The following TRIM8 variants were observed in gnomAD, a reference collection of about 807,000 sequenced individuals.
TRIM8 encodes E3 ubiquitin-protein ligase TRIM8.
TRIM8 carries 9 observed loss-of-function variants against 55.7 expected under a neutral mutation model. That is an observed-to-expected ratio of 0.16 (90% CI 0.10 to 0.28). The LOEUF (loss-of-function observed/expected upper bound fraction) is 0.28, where lower values mean the gene tolerates loss of function less well. Among genes scored for constraint, TRIM8 ranks in the 10% least tolerant of loss-of-function variants. The pLI, the probability that TRIM8 is intolerant of heterozygous loss-of-function variation, is 1.00. For missense variants in TRIM8, 556 were observed against 736.4 expected, an observed-to-expected ratio of 0.76 and a Z score of 2.83; for synonymous variants, 335 against 333.3, an observed-to-expected ratio of 1.01 and a Z score of -0.06.
rs915084165 is a variant in TRIM8 at position 102,651,688 on chromosome 10, C to G, written c.571-2965C>G. ...GATCAGCCTGGACTCTGAAGAGCAC[C>G]TGGGGGGCCCTGTCCTCCTGAGGGT... On this transcript the variant is annotated intron_variant, in intron 1 of 5. Transcript: ENST00000643721. Among the ~76,000 whole-genome samples, 36 of 152,212 alleles carry G rather than the reference C, an allele frequency of 2.4e-4. 1 individual carries two copies. Among genetic ancestry groups the G allele is most frequent in the African/African-American group, 8.0e-4 (33 of 41,448 alleles).
chr10:102,654,901 G>A, intron 2 of TRIM8, 153 bp downstream of exon 2: 2 of 918,522 alleles, frequency 2.2e-6, no homozygotes, highest in South Asian at 1.4e-5. Context: ...CTGGTGCCAG[G>A]GGATGCTGGC....
In TRIM8 at chr10:102,644,808, G is replaced by T; in HGVS notation, c.191G>T (p.Gly64Val). ...AACCAGGCCTACAACCAGAAGCCGGGCCTGGAGAAGAACCTGAAGCTCACC... is the reference window on the plus strand; with the variant it reads ...AACCAGGCCTACAACCAGAAGCCGGTCCTGGAGAAGAACCTGAAGCTCACC... ...ECNQAYNQKP[G>V]LEKNLKLTNI... Residue 64 changes from glycine (G) to valine (V), a missense_variant, in exon 1 of 6, where the codon GGC becomes GTC. Physicochemically the swap from Gly to Val is moderately radical, Grantham distance 109. Coordinates refer to ENST00000643721, the MANE Select transcript of TRIM8 (RefSeq NM_030912.3). 1.2e-6 allele frequency: 2 copies of T among 1,613,238 alleles called. No homozygotes were observed. The highest frequency in any genetic ancestry group is 2.2e-5 in the South Asian group (2 of 91,040).
chr10:102,650,654 G>A (rs1211421277), intron 1 of TRIM8, among the ~76,000 whole-genome samples: 1 of 152,170 alleles, frequency 6.6e-6, no homozygotes, highest in Non-Finnish European at 1.5e-5. Flanking sequence ...CATGTGTAAG[G>A]TGCCTCCAGC....
At chr10:102,652,477 G>A (rs2063993084) in intron 1 of TRIM8, among the ~76,000 whole-genome samples, 1 of 152,180 alleles carries the variant, frequency 6.6e-6, no homozygotes, top group Admixed American at 6.5e-5. Context: ...GTTACACAGA[G>A]CTGCTTTGCA....
chr10:102,650,508 ACCTAGT>A (rs1422902821), intron 1 of TRIM8, among the ~76,000 whole-genome samples: 2 of 152,048 alleles, frequency 1.3e-5, no homozygotes, highest in Admixed American at 6.5e-5. Context: ...CCTGGGCCCC[ACCTAGT>A]CCCAGTCTCC....
intron 3 of TRIM8, among the ~76,000 whole-genome samples, 176 bp downstream of exon 3, chr10:102,655,489 T>G (rs2064016749): frequency 6.6e-6 from 1 of 152,208 alleles, no homozygotes; most frequent in South Asian, 2.1e-4. Flanking sequence ...CATAGGTACA[T>G]CCCGGGCCTT....
At position 102,656,185 on chromosome 10, in the gene TRIM8, A is replaced by AG. The variant is rs776817957; in HGVS notation, c.932+54dup. The AG allele has an allele frequency of 1.2e-6, 2 of 1,614,080 alleles. No individual in the cohort carries two copies. The highest frequency in any genetic ancestry group is 1.7e-6 in the Non-Finnish European group (2 of 1,179,974). ...CCCGGGGGCACATCCTGGGGAGGGCAGGGGGGCCAGGCCCATGGCGGGGAG... is the reference window on the plus strand; with the variant it reads ...CCCGGGGGCACATCCTGGGGAGGGCAGGGGGGGCCAGGCCCATGGCGGGGAG... On this transcript the variant is annotated intron_variant, in intron 4 of 5. Coordinates refer to ENST00000643721, the MANE Select transcript of TRIM8 (RefSeq NM_030912.3). The surrounding 1 kb of genome is among the most constrained non-coding windows in gnomAD (Gnocchi z 4.6).
At position 102,656,600 on chromosome 10, in the gene TRIM8, C is replaced by T; in HGVS notation, c.1049-147C>T. On this transcript the variant is annotated intron_variant, in intron 5 of 5. Transcript: ENST00000643721. The surrounding 1 kb of genome is among the most constrained non-coding windows in gnomAD (Gnocchi z 4.6). ...AAGTGGGGATATAACTATTCTGTAC[C>T]TCCTAATGGTAGAGGAGCAAGCATC... The T allele has an allele frequency of 7.3e-7, 1 of 1,363,150 alleles. No homozygotes were observed. Among genetic ancestry groups the T allele is most frequent in the Non-Finnish European group, 9.9e-7 (1 of 1,008,854 alleles). The allele number at this position is 1,363,150 out of a possible 1,614,324, so 84.4% of individuals were successfully genotyped here.
intron 1 of TRIM8, among the ~76,000 whole-genome samples, chr10:102,651,473 G>C (rs2063984366): frequency 6.6e-6 from 1 of 152,220 alleles, no homozygotes; most frequent in Non-Finnish European, 1.5e-5. Context: ...CTCAGTTCCT[G>C]TCCCCAAGGA....
rs773935102 is a variant in TRIM8, at chr10:102,657,018, G to A, written c.1320G>A (p.Val440=). The A allele has an allele frequency of 6.2e-7, 1 of 1,612,770 alleles. No homozygotes were observed. The highest frequency in any genetic ancestry group is 1.6e-4 in the Middle Eastern group (1 of 6,062). The stretch of plus-strand genomic sequence containing the variant: ...CCCAACCAGTGCACTCAAGCCCCGT[G>A]TTCCCCCCATCGCAGTATCCCAATG... ...GGAQPVHSSP[V]FPPSQYPNGS... Residue 440 remains valine, a synonymous_variant, in exon 6 of 6, where the codon GTG becomes GTA. Transcript: ENST00000643721.
chr10:102,646,340 G>C (rs1029065414), intron 1 of TRIM8, among the ~76,000 whole-genome samples: 3 of 152,186 alleles, frequency 2.0e-5, no homozygotes, highest in African/African-American at 7.2e-5. Flanking sequence ...CACTCTGGTG[G>C]GACTGGGAGT....
intron 1 of TRIM8, 69 bp downstream of exon 1, chr10:102,645,256 C>T (rs1408963243): frequency 7.1e-7 from 1 of 1,401,948 alleles, no homozygotes; most frequent in East Asian, 2.7e-5. Flanking sequence ...CTCTCCCGCC[C>T]CGGGACCACC....
chr10:102,654,445 A>T (rs949694983), intron 1 of TRIM8: 34 of 518,550 alleles, frequency 6.6e-5, no homozygotes, highest in Middle Eastern at 5.2e-4. Flanking sequence ...TAAAAAAATA[A>T]TAAGATAAAT....
chr10:102,657,512 C>A lies in TRIM8; in HGVS notation c.*158C>A. The stretch of plus-strand genomic sequence containing the variant: ...CTTTTGGATTTTGTTTTGGTTTTGG[C>A]TTTGTTTTTGATTTTTTTTTATTAT... On this transcript the variant is annotated 3_prime_UTR_variant, in exon 6 of 6. Transcript: ENST00000643721. The A allele has an allele frequency of 2.0e-6, 2 of 1,013,178 alleles. No homozygotes were observed. Among genetic ancestry groups the A allele is most frequent in the Non-Finnish European group, 2.7e-6 (2 of 727,448 alleles). 62.8% of individuals were successfully genotyped at this position (1,013,178 alleles called of 1,614,324 possible).
rs991446431 is a variant in TRIM8, at chr10:102,657,906, C to T, written c.*552C>T. 1.3e-5 allele frequency: 2 copies of T among 152,514 alleles called. No homozygotes were observed. The highest frequency in any genetic ancestry group is 4.8e-5 in the African/African-American group (2 of 41,376). The allele number at this position is 152,514 out of a possible 1,614,324, so 9.4% of individuals were successfully genotyped here. A position where few individuals can be genotyped will look rare whatever the true frequency, so the allele number is the denominator to read the frequency against. ...AGAATGATTTCTCCTGCTTCCTTCT[C>T]CTCACCATCTTCCCAGACGGAGTTC... On this transcript the variant is annotated 3_prime_UTR_variant, in exon 6 of 6. Coordinates refer to ENST00000643721, the MANE Select transcript of TRIM8 (RefSeq NM_030912.3).
At chr10:102,647,016 T>C (rs1027254252) in intron 1 of TRIM8, among the ~76,000 whole-genome samples, 1 of 152,166 alleles carries the variant, frequency 6.6e-6, no homozygotes, top group African/African-American at 2.4e-5. Context: ...GCTTTAGGTG[T>C]CTGTGTTTTT....
rs35666765 is a variant in TRIM8 at position 102,656,800 on chromosome 10, G to A, written c.1102G>A (p.Gly368Ser). The A allele has an allele frequency of 1.6e-5, 24 of 1,520,782 alleles. No homozygotes were observed. Among genetic ancestry groups the A allele is most frequent in the Admixed American group, 1.3e-4 (6 of 44,976 alleles). The allele number at this position is 1,520,782 out of a possible 1,614,324, so 94.2% of individuals were successfully genotyped here. Residue 368 changes from glycine (G) to serine (S), a missense_variant, in exon 6 of 6, where the codon GGC becomes AGC. Physicochemically the swap from Gly to Ser is moderately conservative, Grantham distance 56. Coordinates refer to ENST00000643721, the MANE Select transcript of TRIM8 (RefSeq NM_030912.3). This position sits in a 1 kb window ranked among gnomAD's most constrained non-coding sequence, Gnocchi z 4.6. ...GCAGAGTGTCCCCCTGTACCCTTGC[G>A]GCGTGAGCAGCTCTGGGGCGGAAAA... ...FLQSVPLYPCGVSSSGAEKRK... is the reference protein window; with the variant it reads ...FLQSVPLYPCSVSSSGAEKRK...
At position 102,645,070 on chromosome 10, in the gene TRIM8, C is replaced by T; in HGVS notation, c.453C>T (p.Tyr151=). The T allele has an allele frequency of 1.3e-6, 2 of 1,593,990 alleles. No homozygotes were observed. The highest frequency in any genetic ancestry group is 2.2e-5 in the South Asian group (2 of 90,380). ...RAWSCPQHNA[Y]RLYHCEAEQV... ...GGAGCTGCCCGCAGCACAACGCCTA[C>T]CGCCTCTACCACTGCGAGGCCGAGC... The change falls in exon 1 of 6, where the codon TAC becomes TAT. Residue 151 remains tyrosine, a synonymous_variant. Transcript: ENST00000643721.
Position 102,657,291 on chromosome 10 carries a change from C to T in TRIM8, c.1593C>T (p.Pro531=), listed in dbSNP as rs199997459. The change falls in exon 6 of 6, where the codon CCC becomes CCT. Residue 531 remains proline, a synonymous_variant. Transcript: ENST00000643721. ...VRDWLDASQQ[P]GHQDFYRVYG... ...ACTGGCTTGACGCCTCCCAGCAGCC[C>T]GGCCACCAGGATTTCTACAGGGTGT... The T allele has an allele frequency of 9.2e-5, 148 of 1,613,166 alleles. No homozygotes were observed. The highest frequency in any genetic ancestry group is 1.2e-4 in the Non-Finnish European group (137 of 1,179,522).
Sources: gnomAD v4.1 joint callset for allele counts (sites outside exome capture counted in the v4.1 genomes callset) on GRCh38, gnomAD v4.1.1 for gene constraint, Gnocchi (gnomAD v3.1) non-coding constraint, MANE v1.5 for transcripts, NCBI Gene and HGNC (gene_info 2026-07-23, HGNC 2026-07-21) for gene names.